SLC4A10: variants seen among roughly 807,000 people sequenced by gnomAD.
SLC4A10 encodes solute carrier family 4 member 10.
A neutral mutation model predicts 137.7 loss-of-function variants in SLC4A10; 42 were observed. That is an observed-to-expected ratio of 0.30 (90% confidence interval 0.24 to 0.39). The LOEUF is 0.39. Ranked by LOEUF, SLC4A10 falls within the 10% of genes least tolerant of loss-of-function variation. SLC4A10 has a pLI of 1.00. For synonymous variants in SLC4A10, 474 were observed against 464.1 expected (o/e 1.02, Z -0.27); for missense variants, 925 against 1,355.0 (o/e 0.68, Z 4.98).
chr2:161,733,336 G>T (rs2047003059), intron 1 of SLC4A10, among the ~76,000 whole-genome samples: 1 of 152,178 alleles, frequency 6.6e-6, no homozygotes, highest in Non-Finnish European at 1.5e-5. Context: ...TCCAGCCATG[G>T]CTGAAAGGGG....
intron 3 of SLC4A10, among the ~76,000 whole-genome samples, chr2:161,835,724 C>T (rs1462230832): frequency 6.6e-6 from 1 of 152,196 alleles, no homozygotes; most frequent in Non-Finnish European, 1.5e-5. Flanking sequence ...CCTCAGCTAC[C>T]TCCTTGTGGT....
chr2:161,746,673 A>T (rs2048417132), intron 1 of SLC4A10, among the ~76,000 whole-genome samples: 1 of 152,054 alleles, frequency 6.6e-6, no homozygotes, highest in East Asian at 1.9e-4. Context: ...TTGCCACCAC[A>T]GCTGGGAATG....
chr2:161,758,286 A>T (rs1450881107), intron 1 of SLC4A10, among the ~76,000 whole-genome samples: 1 of 151,912 alleles, frequency 6.6e-6, no homozygotes, highest in Non-Finnish European at 1.5e-5. Flanking sequence ...TTTTTAAATT[A>T]ATTATGTAAA....
intron 1 of SLC4A10, among the ~76,000 whole-genome samples, chr2:161,767,104 TATATATATATATA>T (rs1340589644): frequency 6.0e-5 from 3 of 49,622 alleles, no homozygotes; most frequent in African/African-American, 4.5e-4. Flanking sequence ...CATATATATA[TATATATATATATA>T]TATATATATA....
chr2:161,673,028 G>A (rs1174757772), intron 1 of SLC4A10, among the ~76,000 whole-genome samples: 2 of 152,332 alleles, frequency 1.3e-5, no homozygotes, highest in East Asian at 1.9e-4. Context: ...GTGCATATGC[G>A]AGTGCAGTAT....
rs960522772 is a variant in SLC4A10 at position 161,812,987 on chromosome 2, A to G, written c.277+8392A>G. 3.3e-5 allele frequency among the ~76,000 whole-genome samples: 5 copies of G among 152,032 alleles called. No individual in the cohort carries two copies. In the South Asian group the frequency reaches 6.2e-4, roughly 19 times the overall value. On this transcript the variant is annotated intron_variant, in intron 3 of 26. Coordinates refer to ENST00000446997, the MANE Select transcript of SLC4A10 (RefSeq NM_001178015.2). ...TGCTGTTGCATTTTTAGTTTTCATT[A>G]ATTTCTTTCTTATTTCATCCTATTT...
At chr2:161,843,472 T>G (rs2059312820) in intron 4 of SLC4A10, among the ~76,000 whole-genome samples, 1 of 152,168 alleles carries the variant, frequency 6.6e-6, no homozygotes, top group Non-Finnish European at 1.5e-5. Flanking sequence ...CTATAGCTGT[T>G]TGAGCTTCAG....
At chr2:161,778,508 A>T (rs2052643589) in intron 2 of SLC4A10, among the ~76,000 whole-genome samples, 1 of 151,916 alleles carries the variant, frequency 6.6e-6, no homozygotes, top group South Asian at 2.1e-4. Flanking sequence ...TGTTGCATTG[A>T]GTGCCATTCA....
intron 1 of SLC4A10, among the ~76,000 whole-genome samples, chr2:161,758,333 AT>A (rs1203617156): frequency 6.6e-6 from 1 of 151,740 alleles, no homozygotes; most frequent in Non-Finnish European, 1.5e-5. Context: ...GAAATACAGT[AT>A]TTTTTCCACT....
chr2:161,887,854 G>T (rs2062476534), intron 10 of SLC4A10, among the ~76,000 whole-genome samples: 1 of 152,096 alleles, frequency 6.6e-6, no homozygotes. Context: ...ATTGCTTTTG[G>T]TGTTTTAGTC....
intron 1 of SLC4A10, among the ~76,000 whole-genome samples, chr2:161,693,669 CTT>C (rs774199734): frequency 4.9e-4 from 57 of 115,204 alleles, no homozygotes; most frequent in Admixed American, 2.5e-3. Flanking sequence ...ACAAATTCGA[CTT>C]TTTTTTTTTT....
intron 1 of SLC4A10, among the ~76,000 whole-genome samples, chr2:161,682,667 C>T (rs184972260): frequency 6.6e-6 from 1 of 151,944 alleles, no homozygotes; most frequent in African/African-American, 2.4e-5. Flanking sequence ...ACTGTGGGTT[C>T]CATGTGTGTG....
At chr2:161,692,680 G>A (rs988009685) in intron 1 of SLC4A10, among the ~76,000 whole-genome samples, 1 of 152,012 alleles carries the variant, frequency 6.6e-6, no homozygotes, top group African/African-American at 2.4e-5. Flanking sequence ...GCAAATGATG[G>A]CAGTATTTAT....
chr2:161,767,139 A>ATGTG lies in SLC4A10; in HGVS notation c.49-3812_49-3809dup, dbSNP rs1245094195. ...TATATATATATATATATATATATAT[A>ATGTG]TGTGTGTGTGTGTGTGTGTGTGTGT... On this transcript the variant is annotated intron_variant, in intron 1 of 26. Coordinates refer to ENST00000446997, the MANE Select transcript of SLC4A10 (RefSeq NM_001178015.2). Among the ~76,000 whole-genome samples, 361 of 57,006 alleles carry ATGTG rather than the reference A, an allele frequency of 6.3e-3. 5 individuals are homozygous for ATGTG. The highest frequency in any genetic ancestry group is 0.022 in the East Asian group (27 of 1,202). The allele number at this position is 57,006 out of a possible 152,430, so 37.4% of individuals were successfully genotyped here.
At chr2:161,828,824 T>C (rs2125725698) in intron 3 of SLC4A10, among the ~76,000 whole-genome samples, 1 of 126,838 alleles carries the variant, frequency 7.9e-6, no homozygotes, top group East Asian at 2.5e-4. Context: ...AATCTACATC[T>C]GCATCAAATC....
In SLC4A10 at chr2:161,624,461, G is replaced by A. The variant is rs1414725357; in HGVS notation, c.-58G>A. ...CTAAGCAGAGCGAGTGCCGGGCTGAGTGTAAGACACTGAAGACACTGCAGA... is the reference window on the plus strand; with the variant it reads ...CTAAGCAGAGCGAGTGCCGGGCTGAATGTAAGACACTGAAGACACTGCAGA... On this transcript the variant is annotated 5_prime_UTR_variant, in exon 1 of 27. The change creates a new upstream start codon in the 5' untranslated region. Coordinates refer to ENST00000446997, the MANE Select transcript of SLC4A10 (RefSeq NM_001178015.2). 1.3e-6 allele frequency: 2 copies of A among 1,550,904 alleles called. No homozygotes were observed. The highest frequency in any genetic ancestry group is 1.4e-5 in the African/African-American group (1 of 73,110).
chr2:161,833,269 A>C (rs2058554163), intron 3 of SLC4A10, among the ~76,000 whole-genome samples: 1 of 152,350 alleles, frequency 6.6e-6, no homozygotes, highest in Non-Finnish European at 1.5e-5. Flanking sequence ...CTTGTAATCC[A>C]TCTGGAGATG....
intron 2 of SLC4A10, among the ~76,000 whole-genome samples, chr2:161,794,924 C>T (rs992216026): frequency 3.3e-5 from 5 of 151,554 alleles, no homozygotes; most frequent in Admixed American, 2.0e-4. Flanking sequence ...GGTTATCTAC[C>T]GTAGAGTGTA....
At chr2:161,631,692 G>C (rs536632252) in intron 1 of SLC4A10, among the ~76,000 whole-genome samples, 1 of 151,786 alleles carries the variant, frequency 6.6e-6, no homozygotes, top group South Asian at 2.1e-4. Context: ...TTTTGTCTTA[G>C]TGTAAATTTC....
Sources: gnomAD v4.1 joint callset for allele counts (sites outside exome capture counted in the v4.1 genomes callset) on GRCh38, gnomAD v4.1.1 for gene constraint, MANE v1.5 for transcripts, NCBI Gene and HGNC (gene_info 2026-07-23, HGNC 2026-07-21) for gene names.